Variants in TRAPPC9 observed in about 807,000 individuals in gnomAD.
TRAPPC9 encodes trafficking protein particle complex subunit 9, also known as IKK2 binding protein.
In TRAPPC9, 83 loss-of-function variants were observed where a neutral mutation model predicts 124.0. The observed-to-expected ratio is 0.67, with a 90% CI of 0.56 to 0.80. The LOEUF (loss-of-function observed/expected upper bound fraction) is 0.80, where lower values mean the gene tolerates loss of function less well. Ranked by LOEUF, TRAPPC9 falls within the 30% of genes least tolerant of loss-of-function variation. TRAPPC9 has a pLI of 0.00. For synonymous variants in TRAPPC9, 638 were observed against 617.5 expected (o/e 1.03, Z -0.49); for missense variants, 1,302 against 1,508.3 (o/e 0.86, Z 2.27).
intron 19 of TRAPPC9, among the ~76,000 whole-genome samples, chr8:139,914,308 C>T (rs1204141902): frequency 6.6e-6 from 1 of 152,228 alleles, no homozygotes; most frequent in Non-Finnish European, 1.5e-5. Flanking sequence ...GGAGACGACC[C>T]GCAGGCAGGG....
chr8:139,883,925 G>A (rs987798071), intron 21 of TRAPPC9, among the ~76,000 whole-genome samples: 3 of 152,176 alleles, frequency 2.0e-5, no homozygotes, highest in African/African-American at 7.2e-5. Context: ...GTGGTGAGGA[G>A]TGCGTGGCAG....
At chr8:139,779,208 G>A (rs539109259) in intron 21 of TRAPPC9, among the ~76,000 whole-genome samples, 5 of 152,038 alleles carry the variant, frequency 3.3e-5, no homozygotes, top group Admixed American at 6.5e-5. Flanking sequence ...CTTTAAGTGC[G>A]GGGTGGGCAG....
intron 17 of TRAPPC9, among the ~76,000 whole-genome samples, chr8:140,174,669 C>T (rs919687400): frequency 6.6e-6 from 1 of 152,096 alleles, no homozygotes; most frequent in African/African-American, 2.4e-5. Context: ...CGTCATATGA[C>T]GTGTGGCCTT....
chr8:140,272,356 A>AGTGGTGGTAGTGAGG (rs1554658156), intron 15 of TRAPPC9, among the ~76,000 whole-genome samples: 178 of 104,590 alleles, frequency 1.7e-3, no homozygotes, highest in Middle Eastern at 0.016. Flanking sequence ...CAGTGGAGAG[A>AGTGGTGGTAGTGAGG]GTGGTGGTAG....
chr8:140,219,378 C>T (rs1479215952), intron 17 of TRAPPC9, among the ~76,000 whole-genome samples: 2 of 152,188 alleles, frequency 1.3e-5, no homozygotes, highest in African/African-American at 4.8e-5. Flanking sequence ...CAAAACGTTA[C>T]GTTTTCCCTT....
intron 17 of TRAPPC9, among the ~76,000 whole-genome samples, chr8:140,180,564 C>T (rs942629757): frequency 7.2e-5 from 11 of 152,204 alleles, no homozygotes; most frequent in Admixed American, 1.3e-4. Context: ...CTTAGAACCT[C>T]CTTTAAGCAC....
rs1338033535 is a variant in TRAPPC9, at chr8:140,104,282, G to A, written c.2557-80203C>T. On this transcript the variant is annotated intron_variant, in intron 17 of 22. Coordinates refer to ENST00000438773, the MANE Select transcript of TRAPPC9 (RefSeq NM_001160372.4). The surrounding 1 kb of genome is among the most constrained non-coding windows in gnomAD (Gnocchi z 4.0). ...TCTGCAACAGCCTGAACGGAACCAG[G>A]AGGGCTCCCCGCTCTGCAATGGGTC... Among the ~76,000 whole-genome samples the A allele has an allele frequency of 5.3e-5, 8 of 152,296 alleles. No homozygotes were observed. Among genetic ancestry groups the A allele is most frequent in the Non-Finnish European group, 8.8e-5 (6 of 68,018 alleles).
intron 17 of TRAPPC9, among the ~76,000 whole-genome samples, chr8:140,093,394 G>C (rs1374694703): frequency 6.6e-6 from 1 of 152,186 alleles, no homozygotes; most frequent in Non-Finnish European, 1.5e-5. Flanking sequence ...CAGGCCAGTT[G>C]CGGTGGCTCA....
At chr8:140,285,291 T>C (rs1320333690) in intron 13 of TRAPPC9, among the ~76,000 whole-genome samples, 1 of 152,140 alleles carries the variant, frequency 6.6e-6, no homozygotes, top group African/African-American at 2.4e-5. Context: ...TCCTCGTTAC[T>C]CCTCTCTCAT....
intron 21 of TRAPPC9, among the ~76,000 whole-genome samples, chr8:139,783,009 A>T (rs1322305730): frequency 6.6e-6 from 1 of 152,214 alleles, no homozygotes; most frequent in African/African-American, 2.4e-5. Context: ...TAAAAATGAA[A>T]GTATAACATA....
chr8:140,256,402 C>T (rs2064260547), intron 15 of TRAPPC9, among the ~76,000 whole-genome samples: 1 of 152,202 alleles, frequency 6.6e-6, no homozygotes, highest in Non-Finnish European at 1.5e-5. Flanking sequence ...TCTTCCCACT[C>T]CTTCAGAAGG....
In TRAPPC9 at chr8:140,023,839, G is replaced by T. The variant is rs1839959761; in HGVS notation, c.2699+98C>A. The T allele has an allele frequency of 9.5e-6, 15 of 1,578,540 alleles. No individual in the cohort carries two copies. The South Asian group carries it at 1.7e-4, about 18-fold the overall frequency. On this transcript the variant is annotated intron_variant, in intron 18 of 22. Coordinates refer to ENST00000438773, the MANE Select transcript of TRAPPC9 (RefSeq NM_001160372.4). ...CAACTTGGCCCCATGGCACGGATCTGACGGGATGCATGACAAAAACACACT... is the reference window on the plus strand; with the variant it reads ...CAACTTGGCCCCATGGCACGGATCTTACGGGATGCATGACAAAAACACACT...
chr8:140,206,668 A>G (rs369116815), intron 17 of TRAPPC9, among the ~76,000 whole-genome samples: 31 of 152,146 alleles, frequency 2.0e-4, no homozygotes, highest in African/African-American at 7.5e-4. Context: ...GTCTCACCTT[A>G]CATGCTCTGA....
At chr8:139,932,797 T>C in intron 19 of TRAPPC9, 1 of 330,888 alleles carries the variant, frequency 3.0e-6, no homozygotes. Context: ...CAGGGCAGGG[T>C]CCCAAGGCCC....
chr8:140,393,032 T>TTTTTATTTTATTTTA (rs200195467), intron 7 of TRAPPC9, among the ~76,000 whole-genome samples: 16 of 138,086 alleles, frequency 1.2e-4, no homozygotes, highest in African/African-American at 3.2e-4. Context: ...TCCCATTTTA[T>TTTTTATTTTATTTTA]TTTTATTTTA....
At chr8:140,070,314 T>C (rs938708610) in intron 17 of TRAPPC9, among the ~76,000 whole-genome samples, 3 of 152,242 alleles carry the variant, frequency 2.0e-5, no homozygotes, top group Non-Finnish European at 2.9e-5. Context: ...TGTGTTAACA[T>C]GCAGCCTTCT....
intron 17 of TRAPPC9, among the ~76,000 whole-genome samples, chr8:140,106,589 G>A (rs1053204376): frequency 6.6e-6 from 1 of 152,280 alleles, no homozygotes; most frequent in South Asian, 2.1e-4. Flanking sequence ...TCTTGGTCGT[G>A]GGGGAGCGAG....
chr8:139,994,307 G>T (rs1246265140), intron 18 of TRAPPC9, among the ~76,000 whole-genome samples: 1 of 152,238 alleles, frequency 6.6e-6, no homozygotes, highest in Non-Finnish European at 1.5e-5. Flanking sequence ...GTGGAGCCGA[G>T]AGGATTGCGC....
At chr8:140,385,574 G>A (rs2068732394) in intron 7 of TRAPPC9, among the ~76,000 whole-genome samples, 5 of 152,126 alleles carry the variant, frequency 3.3e-5, no homozygotes, top group Admixed American at 6.5e-5. Context: ...TAGAAGAAAT[G>A]GATAAATTCC....
Sources: allele counts gnomAD v4.1 joint callset (sites outside exome capture counted in the v4.1 genomes callset), GRCh38; gene constraint gnomAD v4.1.1; non-coding constraint Gnocchi (gnomAD v3.1); transcripts MANE v1.5; gene names NCBI Gene and HGNC (gene_info 2026-07-23, HGNC 2026-07-21).